The following MOB3B variants were observed in gnomAD, a reference collection of about 807,000 sequenced individuals.
MOB3B encodes the protein MOB kinase activator-like 2B.
MOB3B carries 7 observed loss-of-function variants against 18.7 expected under a neutral mutation model. The observed-to-expected ratio is 0.37, with a 90% CI of 0.21 to 0.70. The LOEUF is 0.70. Ranked by LOEUF, MOB3B falls within the 30% of genes least tolerant of loss-of-function variation. The pLI, the probability that MOB3B is intolerant of heterozygous loss-of-function variation, is 0.52. For missense variants in MOB3B, 253 were observed against 281.3 expected, an observed-to-expected ratio of 0.90 and a Z score of 0.72; for synonymous variants, 111 against 99.9, an observed-to-expected ratio of 1.11 and a Z score of -0.66.
At chr9:27,425,940 C>G (rs912936584) in intron 2 of MOB3B, among the ~76,000 whole-genome samples, 4 of 152,158 alleles carry the variant, frequency 2.6e-5, no homozygotes, top group Non-Finnish European at 4.4e-5. Context: ...GGCAAACTGA[C>G]TTATCCATTA....
chr9:27,394,957 GA>G (rs1486599374), intron 2 of MOB3B, among the ~76,000 whole-genome samples: 5 of 152,188 alleles, frequency 3.3e-5, no homozygotes, highest in Admixed American at 2.6e-4. Flanking sequence ...AGCTCTATTA[GA>G]TTGAAAATAT....
Position 27,359,106 on chromosome 9 carries a change from G to A in MOB3B, c.549C>T (p.Asn183=), listed in dbSNP as rs1449432680. The change falls in exon 3 of 4, where the codon AAC becomes AAT. Residue 183 remains asparagine, a synonymous_variant. Coordinates refer to ENST00000262244, the MANE Select transcript of MOB3B (RefSeq NM_024761.5). ...AGTAATAGAAGTGTTTGTAGCAGGT[G>A]TTGACATGGGCCTCTGCACCCATCA... ...VIVMGAEAHV[N]TCYKHFYYFV... 9.9e-6 allele frequency: 16 copies of A among 1,614,160 alleles called. No individual in the cohort carries two copies. Among genetic ancestry groups the A allele is most frequent in the Non-Finnish European group, 1.4e-5 (16 of 1,180,032 alleles).
rs1209380069 is a variant in MOB3B at position 27,399,538 on chromosome 9, G to T, written c.419-40302C>A. ...CAGGAACTTGGCTGAGAGGCAAGTT[G>T]CTGAACAACTGTTTTAGAGTATTTC... is the stretch of plus-strand genomic sequence containing the variant. On this transcript the variant is annotated intron_variant, in intron 2 of 3. Transcript: ENST00000262244. 3.3e-5 allele frequency among the ~76,000 whole-genome samples: 5 copies of T among 152,176 alleles called. No individual in the cohort carries two copies. The East Asian group carries it at 9.6e-4, about 29-fold the overall frequency.
At chr9:27,488,242 C>G (rs1216253464) in intron 1 of MOB3B, among the ~76,000 whole-genome samples, 1 of 152,158 alleles carries the variant, frequency 6.6e-6, no homozygotes, top group African/African-American at 2.4e-5. Context: ...GCATTTAGCT[C>G]TAACTTGTGA....
rs73434906 is a variant in MOB3B, at chr9:27,415,246, T to C, written c.418+39887A>G. On this transcript the variant is annotated intron_variant, in intron 2 of 3. Coordinates refer to ENST00000262244, the MANE Select transcript of MOB3B (RefSeq NM_024761.5). ...TGTGCATAATATGTAAAGACAAATATGACAGTTTCTCTCAAACATAGGTTA... is the reference window on the plus strand; with the variant it reads ...TGTGCATAATATGTAAAGACAAATACGACAGTTTCTCTCAAACATAGGTTA... Among the ~76,000 whole-genome samples, 308 of 152,330 alleles carry C rather than the reference T, an allele frequency of 2.0e-3. 3 individuals carry two copies. Among genetic ancestry groups the C allele is most frequent in the African/African-American group, 6.9e-3 (285 of 41,568 alleles).
rs1402864867 is a variant in MOB3B, at chr9:27,455,353, G to T, written c.198C>A (p.Asp66Glu). 1.9e-6 allele frequency: 3 copies of T among 1,614,012 alleles called. No individual in the cohort carries two copies. Among genetic ancestry groups the T allele is most frequent in the Non-Finnish European group, 2.5e-6 (3 of 1,180,038 alleles). The change falls in exon 2 of 4, where the codon GAC (aspartate) becomes GAA (glutamate). Residue 66 changes from aspartate to glutamate, a missense_variant. Asp to Glu is a conservative substitution (Grantham distance 45, BLOSUM62 2). Coordinates refer to ENST00000262244, the MANE Select transcript of MOB3B (RefSeq NM_024761.5). ...AGATGAGGTTGATCCGATTGAAGAA[G>T]TCCACCACATGTACTGCCACCCAGT... ...QNDWVAVHVV[D>E]FFNRINLIYG... is the part of the protein sequence containing the mutation.
intron 1 of MOB3B, among the ~76,000 whole-genome samples, chr9:27,527,775 C>T (rs1288270444): frequency 6.6e-6 from 1 of 152,232 alleles, no homozygotes; most frequent in African/African-American, 2.4e-5. Context: ...GTCAGCCTCC[C>T]CTCAGAGGCA....
rs922607694 is a variant in MOB3B at position 27,506,777 on chromosome 9, G to T, written c.-199+22778C>A. ...GATCTCCTGACCTCGTGATCCGCCAGCCTCGGCCTCCCAAAGTGCTGGGAT... is the reference window on the plus strand; with the variant it reads ...GATCTCCTGACCTCGTGATCCGCCATCCTCGGCCTCCCAAAGTGCTGGGAT... On this transcript the variant is annotated intron_variant, in intron 1 of 3. Transcript: ENST00000262244. Among the ~76,000 whole-genome samples the T allele has an allele frequency of 6.0e-5, 9 of 151,242 alleles. 1 individual carries two copies. Among genetic ancestry groups the T allele is most frequent in the African/African-American group, 2.2e-4 (9 of 41,160 alleles).
chr9:27,521,567 C>T lies in MOB3B; in HGVS notation c.-199+7988G>A, dbSNP rs113237566. ...CCCATGGTTAAGGAGGCCAAGGCATCGTAAAAGCAAAATGGGGAACAAGCA... is the reference window on the plus strand; with the variant it reads ...CCCATGGTTAAGGAGGCCAAGGCATTGTAAAAGCAAAATGGGGAACAAGCA... On this transcript the variant is annotated intron_variant, in intron 1 of 3. Transcript: ENST00000262244. Among the ~76,000 whole-genome samples the T allele has an allele frequency of 4.3e-3, 651 of 152,172 alleles. 8 individuals carry two copies. The highest frequency in any genetic ancestry group is 0.015 in the African/African-American group (623 of 41,502).
At chr9:27,386,618 C>T (rs1821653300) in intron 2 of MOB3B, among the ~76,000 whole-genome samples, 1 of 152,198 alleles carries the variant, frequency 6.6e-6, no homozygotes, top group Non-Finnish European at 1.5e-5. Flanking sequence ...ATATGTAGCA[C>T]AAACAGGGTC....
At chr9:27,524,491 G>A (rs761429114) in intron 1 of MOB3B, 8 of 1,613,944 alleles carry the variant, frequency 5.0e-6, no homozygotes, top group Admixed American at 1.7e-5. Context: ...AGTAGTATGA[G>A]CAATTCATTT....
At chr9:27,481,520 GTTTTTTTTT>G (rs1224985717) in intron 1 of MOB3B, among the ~76,000 whole-genome samples, 2 of 91,728 alleles carry the variant, frequency 2.2e-5, no homozygotes, top group Non-Finnish European at 4.6e-5. Context: ...TGTTTTTTTT[GTTTTTTTTT>G]TTTTTTGAGA....
chr9:27,331,019 G>C (rs1248967683), intron 3 of MOB3B, among the ~76,000 whole-genome samples: 1 of 152,170 alleles, frequency 6.6e-6, no homozygotes, highest in African/African-American at 2.4e-5. Context: ...AACTGATACA[G>C]TAATTGGATT....
At chr9:27,397,345 C>T (rs1332318782) in intron 2 of MOB3B, 1 of 151,796 alleles carries the variant, frequency 6.6e-6, no homozygotes, top group Non-Finnish European at 1.5e-5. Context: ...ATATTAACAG[C>T]CCCTTTTAAT....
At chr9:27,459,131 T>C (rs1324864825) in intron 1 of MOB3B, among the ~76,000 whole-genome samples, 1 of 152,040 alleles carries the variant, frequency 6.6e-6, no homozygotes, top group Non-Finnish European at 1.5e-5. Context: ...TGAGATGCCA[T>C]ATTGGCGCAG....
chr9:27,404,436 A>G (rs1587186537), intron 2 of MOB3B, among the ~76,000 whole-genome samples: 1 of 139,114 alleles, frequency 7.2e-6, no homozygotes, highest in African/African-American at 2.8e-5. Context: ...GCTCACTACA[A>G]CCTCTTGAAC....
At chr9:27,332,106 C>T (rs1820797898) in intron 3 of MOB3B, among the ~76,000 whole-genome samples, 1 of 152,212 alleles carries the variant, frequency 6.6e-6, no homozygotes, top group African/African-American at 2.4e-5. Flanking sequence ...TATCCACCCA[C>T]CTCAGACTCC....
Position 27,524,515 on chromosome 9 carries a change from T to C in MOB3B, c.-199+5040A>G. On this transcript the variant is annotated intron_variant, in intron 1 of 3. Transcript: ENST00000262244. Reference sequence around the variant, plus strand: ...AGCAATTCATTTCCTGTAGAATGTCTACGAGAAAACATAGCTTTTGAGTTG... The same window carrying C: ...AGCAATTCATTTCCTGTAGAATGTCCACGAGAAAACATAGCTTTTGAGTTG... 5 of 1,614,134 alleles carry C rather than the reference T, an allele frequency of 3.1e-6. No individual in the cohort carries two copies. The highest frequency in any genetic ancestry group is 4.2e-6 in the Non-Finnish European group (5 of 1,179,990).
At chr9:27,390,814 A>G (rs1402774327) in intron 2 of MOB3B, among the ~76,000 whole-genome samples, 1 of 152,142 alleles carries the variant, frequency 6.6e-6, no homozygotes, top group African/African-American at 2.4e-5. Context: ...TTGAGTGGTG[A>G]TCAGGTCATG....
Sources: allele counts gnomAD v4.1 joint callset (sites outside exome capture counted in the v4.1 genomes callset), GRCh38; gene constraint gnomAD v4.1.1; transcripts MANE v1.5; gene names NCBI Gene and HGNC (gene_info 2026-07-23, HGNC 2026-07-21).